The following DNAH6 variants were observed in gnomAD, a reference collection of about 807,000 sequenced individuals.
DNAH6 encodes dynein axonemal heavy chain 6, also known as axonemal beta dynein heavy chain 6.
Under a neutral mutation model 491.4 loss-of-function variants are expected in DNAH6, and 340 were observed. That is an observed-to-expected ratio of 0.69 (90% CI 0.63 to 0.76). The LOEUF (loss-of-function observed/expected upper bound fraction) is 0.76. Among genes scored for constraint, DNAH6 ranks in the 30% least tolerant of loss-of-function variants. The pLI is 0.00. For missense variants in DNAH6, 4,443 were observed against 4,972.2 expected (o/e 0.89, Z 3.20); for synonymous variants, 1,603 against 1,686.1 (o/e 0.95, Z 1.21).
Position 84,695,753 on chromosome 2 carries a change from A to G in DNAH6, c.7524+1273A>G, listed in dbSNP as rs984774690. Among the ~76,000 whole-genome samples, 5 of 152,062 alleles carry G rather than the reference A, an allele frequency of 3.3e-5. No homozygotes were observed. In the East Asian group the frequency reaches 5.8e-4, roughly 18 times the overall value. ...AGTGATTTTTATTGTCTAGTTGCTT[A>G]TCTGTAGTTTCTGATTATCCTAAAA... On this transcript the variant is annotated intron_variant, in intron 46 of 76. Transcript: ENST00000389394.
At chr2:84,571,843 G>A (rs751063638) in intron 11 of DNAH6, among the ~76,000 whole-genome samples, 10 of 151,738 alleles carry the variant, frequency 6.6e-5, no homozygotes, top group African/African-American at 2.4e-4. Flanking sequence ...GCTTGAGCCC[G>A]AGAGGTGGAG....
chr2:84,517,746 C>A, intron 1 of DNAH6, 73 bp from the exon 2 acceptor site: 1 of 1,177,302 alleles, frequency 8.5e-7, no homozygotes. Flanking sequence ...CCTTAAGTCC[C>A]TCTCCAGTAG....
At chr2:84,462,293 A>G in the DNAH6 span, among the ~76,000 whole-genome samples, 1 of 152,230 alleles carries the variant, frequency 6.6e-6, no homozygotes, top group Non-Finnish European at 1.5e-5. Flanking sequence ...TCAAGGACTC[A>G]AAAGAATGCA....
Position 84,670,374 on chromosome 2 carries a change from G to T in DNAH6, c.6353G>T (p.Gly2118Val), listed in dbSNP as rs1448978169. Residue 2118 changes from glycine (G) to valine (V), a missense_variant, in exon 39 of 77, where the codon GGC (glycine) becomes GTC (valine). Transcript: ENST00000389394. ...GLLNKIQESA[G>V]YVPVYLNFSA... ...CTAAATAAAATTCAAGAATCAGCTG[G>T]CTATGTCCCTGTTTATCTAAATTTT... The T allele has an allele frequency of 3.9e-6, 6 of 1,543,360 alleles. No individual in the cohort carries two copies. In the South Asian group the frequency reaches 7.3e-5, roughly 19 times the overall value.
At chr2:84,525,273 A>G (rs557321984) in intron 2 of DNAH6, among the ~76,000 whole-genome samples, 25 of 152,206 alleles carry the variant, frequency 1.6e-4, no homozygotes, top group African/African-American at 5.5e-4. Context: ...ATGGATAATT[A>G]GGGAGTATAT....
In DNAH6 at chr2:84,650,410, T is replaced by C. The variant is rs367864502; in HGVS notation, c.5079-2909T>C. ...ATCTTGCAGTTTACCAAATCTTTCC[T>C]CTGTCCCTTCCATTTTGCTCTTGAA... is the stretch of plus-strand genomic sequence containing the variant. On this transcript the variant is annotated intron_variant, in intron 33 of 76. Coordinates refer to ENST00000389394, the MANE Select transcript of DNAH6 (RefSeq NM_001370.2). 7.2e-4 allele frequency among the ~76,000 whole-genome samples: 110 copies of C among 152,300 alleles called. 1 individual carries two copies. The highest frequency in any genetic ancestry group is 2.5e-3 in the African/African-American group (104 of 41,580).
At chr2:84,736,284 T>C (rs1208727254) in intron 62 of DNAH6, among the ~76,000 whole-genome samples, 2 of 152,192 alleles carry the variant, frequency 1.3e-5, no homozygotes, top group African/African-American at 4.8e-5. Context: ...ACATGGTGCC[T>C]CTGGCTTTGT....
chr2:84,726,406 C>T (rs959029299), intron 60 of DNAH6, among the ~76,000 whole-genome samples: 1 of 152,184 alleles, frequency 6.6e-6, no homozygotes, highest in African/African-American at 2.4e-5. Context: ...TGCCCCGTGA[C>T]TTCCATGGAA....
chr2:84,497,210 AC>A, the DNAH6 span, among the ~76,000 whole-genome samples: 2 of 151,990 alleles, frequency 1.3e-5, no homozygotes, highest in Admixed American at 6.6e-5. Flanking sequence ...ACCTCTAGTG[AC>A]CCGCCAGCCT....
intron 18 of DNAH6, among the ~76,000 whole-genome samples, chr2:84,596,096 A>G (rs1374224900): frequency 1.3e-5 from 2 of 152,138 alleles, no homozygotes; most frequent in Non-Finnish European, 1.5e-5. Flanking sequence ...TTAGGGAGCC[A>G]GATGAGGCTG....
intron 15 of DNAH6, among the ~76,000 whole-genome samples, chr2:84,587,224 G>A (rs777613984): frequency 2.2e-4 from 33 of 152,174 alleles, no homozygotes; most frequent in Non-Finnish European, 3.8e-4. Flanking sequence ...TTCTGTTCCT[G>A]CATTAGTTTG....
intron 72 of DNAH6, among the ~76,000 whole-genome samples, 188 bp from the exon 73 acceptor site, chr2:84,812,153 G>A (rs1680047593): frequency 6.6e-6 from 1 of 152,186 alleles, no homozygotes; most frequent in Admixed American, 6.5e-5. Context: ...GTGTTACACC[G>A]CAACGGTCAC....
At chr2:84,505,568 T>C in the DNAH6 span, among the ~76,000 whole-genome samples, 1 of 152,198 alleles carries the variant, frequency 6.6e-6, no homozygotes, top group East Asian at 1.9e-4. Context: ...GTTCTTTTTT[T>C]ATTATTATAC....
At chr2:84,749,581 A>G (rs567718675) in intron 63 of DNAH6, among the ~76,000 whole-genome samples, 2 of 152,240 alleles carry the variant, frequency 1.3e-5, no homozygotes, top group Non-Finnish European at 2.9e-5. Context: ...GGATGTCCAC[A>G]TGAACCCTGA....
chr2:84,515,866 G>A (rs1675555562), upstream of DNAH6, among the ~76,000 whole-genome samples: 2 of 152,152 alleles, frequency 1.3e-5, no homozygotes, highest in African/African-American at 4.8e-5. Flanking sequence ...TGGTAGAAGG[G>A]GCACGGGAAC....
intron 42 of DNAH6, among the ~76,000 whole-genome samples, chr2:84,684,948 G>A (rs1307754742): frequency 6.6e-6 from 1 of 152,180 alleles, no homozygotes; most frequent in Non-Finnish European, 1.5e-5. Flanking sequence ...TATGCATTGA[G>A]AGGAGGAAAG....
intron 64 of DNAH6, among the ~76,000 whole-genome samples, chr2:84,772,119 T>C (rs2105180641): frequency 6.6e-6 from 1 of 152,246 alleles, no homozygotes; most frequent in Non-Finnish European, 1.5e-5. Context: ...CAACTGAAAC[T>C]AAGCTGGTAT....
rs1364479844 is a variant in DNAH6 at position 84,701,350 on chromosome 2, T to A, written c.8061+11T>A. ...AAGCAGATTATTTCAGTAGGTTCAATATTATCCATGAAAATATTGTTTTGC... is the reference window on the plus strand; with the variant it reads ...AAGCAGATTATTTCAGTAGGTTCAAAATTATCCATGAAAATATTGTTTTGC... On this transcript the variant is annotated intron_variant, in intron 49 of 76. Coordinates refer to ENST00000389394, the MANE Select transcript of DNAH6 (RefSeq NM_001370.2). 1.3e-6 allele frequency: 2 copies of A among 1,538,202 alleles called. No homozygotes were observed. Among genetic ancestry groups the A allele is most frequent in the Middle Eastern group, 1.7e-4 (1 of 5,950 alleles).
chr2:84,482,218 C>A, the DNAH6 span, among the ~76,000 whole-genome samples: 8 of 152,262 alleles, frequency 5.3e-5, no homozygotes, highest in East Asian at 1.5e-3. Context: ...ATCATAACGC[C>A]TACCTCACAG....
Sources: gnomAD v4.1 joint callset for allele counts (sites outside exome capture counted in the v4.1 genomes callset) on GRCh38, gnomAD v4.1.1 for gene constraint, MANE v1.5 for transcripts, NCBI Gene and HGNC (gene_info 2026-07-23, HGNC 2026-07-21) for gene names.